Variants in BMPR2 observed in about 807,000 individuals in gnomAD.
The protein encoded by BMPR2 is bone morphogenetic protein receptor type 2, also known as bone morphogenetic protein receptor type-2.
BMPR2 carries 29 observed loss-of-function variants against 100.8 expected under a neutral mutation model. The observed-to-expected ratio is 0.29, with a 90% CI of 0.21 to 0.39. BMPR2 has a LOEUF of 0.39. BMPR2 is among the 10% of genes least tolerant of loss of function. BMPR2 has a pLI of 1.00. For missense variants in BMPR2, 1,011 were observed against 1,274.5 expected (o/e 0.79, Z 3.15); for synonymous variants, 382 against 442.3 (o/e 0.86, Z 1.71).
At chr2:202,481,670 T>C (rs905013409) in intron 3 of BMPR2, among the ~76,000 whole-genome samples, 2 of 152,210 alleles carry the variant, frequency 1.3e-5, no homozygotes, top group African/African-American at 4.8e-5. Flanking sequence ...TAGACCTTAT[T>C]TCATTTATTT....
intron 3 of BMPR2, among the ~76,000 whole-genome samples, chr2:202,485,634 C>G (rs953576599): frequency 2.1e-5 from 3 of 142,488 alleles, no homozygotes; most frequent in Non-Finnish European, 4.5e-5. Context: ...ACAGCCTCTG[C>G]CTCCCGGGTT....
intron 1 of BMPR2, among the ~76,000 whole-genome samples, chr2:202,418,177 T>G (rs1431694456): frequency 1.3e-5 from 2 of 152,244 alleles, no homozygotes; most frequent in African/African-American, 4.8e-5. Flanking sequence ...GCAATATCAC[T>G]GAGGTATGCT....
At chr2:202,476,260 A>ATG (rs10674122) in intron 3 of BMPR2, among the ~76,000 whole-genome samples, 49,094 of 151,690 alleles carry the variant, frequency 0.32, 8,765 homozygotes, top group African/African-American at 0.48. Context: ...TTCCAATTCC[A>ATG]TGTGTCCCTC....
intron 10 of BMPR2, among the ~76,000 whole-genome samples, chr2:202,548,773 A>C (rs554808237): frequency 6.6e-6 from 1 of 152,180 alleles, no homozygotes; most frequent in South Asian, 2.1e-4. Flanking sequence ...TTAAGGTATC[A>C]TTATTTACCT....
At chr2:202,438,524 T>C (rs989860721) in intron 1 of BMPR2, among the ~76,000 whole-genome samples, 5 of 150,274 alleles carry the variant, frequency 3.3e-5, no homozygotes, top group Non-Finnish European at 7.4e-5. Context: ...GCTAAGAAGC[T>C]ATTACCTAAT....
intron 1 of BMPR2, among the ~76,000 whole-genome samples, chr2:202,381,640 A>G (rs557213909): frequency 6.6e-6 from 1 of 152,328 alleles, no homozygotes; most frequent in South Asian, 2.1e-4. Context: ...CGAAGAATTG[A>G]AATTCTCAGT....
intron 3 of BMPR2, among the ~76,000 whole-genome samples, chr2:202,492,203 G>C (rs895356527): frequency 6.6e-6 from 1 of 152,132 alleles, no homozygotes; most frequent in African/African-American, 2.4e-5. Context: ...GTTAGGAACA[G>C]GTAGGAGCAG....
chr2:202,561,276 C>G lies in BMPR2; in HGVS notation c.*1330C>G, dbSNP rs1276864927. The G allele has an allele frequency of 1.3e-5, 2 of 152,058 alleles. No individual in the cohort carries two copies. Among genetic ancestry groups the G allele is most frequent in the Non-Finnish European group, 2.9e-5 (2 of 67,982 alleles). 9.4% of individuals were successfully genotyped at this position (152,058 alleles called of 1,614,324 possible). A position where few individuals can be genotyped will look rare whatever the true frequency, so the allele number is the denominator to read the frequency against. On this transcript the variant is annotated 3_prime_UTR_variant, in exon 13 of 13. Coordinates refer to ENST00000374580, the MANE Select transcript of BMPR2 (RefSeq NM_001204.7). Reference sequence around the variant, plus strand: ...CAAAATTGTGTTATCTTCCTTAATCCTATTTTCATAATTTTTCCTTTTGCC... The same window carrying G: ...CAAAATTGTGTTATCTTCCTTAATCGTATTTTCATAATTTTTCCTTTTGCC...
At chr2:202,405,711 A>AG (rs1690877450) in intron 1 of BMPR2, among the ~76,000 whole-genome samples, 2 of 146,206 alleles carry the variant, frequency 1.4e-5, no homozygotes, top group African/African-American at 5.1e-5. Context: ...AAAAAAAAAA[A>AG]GCAGGGAAAA....
intron 7 of BMPR2, among the ~76,000 whole-genome samples, chr2:202,524,830 C>T (rs774501629): frequency 2.0e-5 from 3 of 151,698 alleles, no homozygotes; most frequent in East Asian, 1.9e-4. Context: ...GTCAGGAGTA[C>T]GAGACCAGCC....
At position 202,560,133 on chromosome 2, in the gene BMPR2, A is replaced by G. The variant is rs1489882741; in HGVS notation, c.*187A>G. 2.6e-6 allele frequency: 2 copies of G among 766,314 alleles called. No individual in the cohort carries two copies. Among genetic ancestry groups the G allele is most frequent in the Non-Finnish European group, 4.1e-6 (2 of 493,822 alleles). The allele number at this position is 766,314 out of a possible 1,614,324, so 47.5% of individuals were successfully genotyped here. The stretch of plus-strand genomic sequence containing the variant: ...TTAGCTTATGCTTCCATATTTTTAA[A>G]TTTTGTTTTTTAAGTTTTGCACTTT... On this transcript the variant is annotated 3_prime_UTR_variant, in exon 13 of 13. Transcript: ENST00000374580.
intron 1 of BMPR2, among the ~76,000 whole-genome samples, chr2:202,406,186 T>C (rs548268434): frequency 1.3e-5 from 2 of 152,352 alleles, no homozygotes; most frequent in African/African-American, 4.8e-5. Flanking sequence ...GGTTGATTAA[T>C]ATAGGCAAGT....
chr2:202,480,101 T>C (rs576863129), intron 3 of BMPR2, among the ~76,000 whole-genome samples: 1 of 152,144 alleles, frequency 6.6e-6, no homozygotes, highest in Non-Finnish European at 1.5e-5. Context: ...TATCTTTTTT[T>C]ATTTTGTCAC....
At position 202,556,109 on chromosome 2, in the gene BMPR2, G is replaced by T; in HGVS notation, c.2444G>T (p.Ser815Ile). The change falls in exon 12 of 13, where the codon AGT (serine) becomes ATT (isoleucine). Residue 815 changes from serine (S) to isoleucine (I), a missense_variant. Coordinates refer to ENST00000374580, the MANE Select transcript of BMPR2 (RefSeq NM_001204.7). ...TMNGVAGRNH[S>I]VNSHAATTQY... ...AATGGTGTGGCAGGTAGAAACCACA[G>T]TGTTAACTCCCATGCTGCCACAACC... is the stretch of plus-strand genomic sequence containing the variant. 1 of 1,614,136 alleles carries T rather than the reference G, an allele frequency of 6.2e-7. No individual in the cohort carries two copies. The highest frequency in any genetic ancestry group is 8.5e-7 in the Non-Finnish European group (1 of 1,180,036).
chr2:202,390,167 G>T (rs1408263526), intron 1 of BMPR2, among the ~76,000 whole-genome samples: 1 of 152,034 alleles, frequency 6.6e-6, no homozygotes, highest in South Asian at 2.1e-4. Flanking sequence ...TGCGTATATT[G>T]TACATAAAGT....
intron 1 of BMPR2, among the ~76,000 whole-genome samples, chr2:202,410,870 C>T (rs890937333): frequency 1.3e-5 from 2 of 152,066 alleles, no homozygotes; most frequent in Non-Finnish European, 1.5e-5. Flanking sequence ...TGAGCCACTG[C>T]GCCCAGTCTT....
chr2:202,510,811 G>C (rs1039036364), intron 3 of BMPR2, among the ~76,000 whole-genome samples: 1 of 151,916 alleles, frequency 6.6e-6, no homozygotes, highest in Admixed American at 6.6e-5. Flanking sequence ...CTCCTGAGTA[G>C]CTGGGATTAC....
chr2:202,388,321 C>T (rs535241618), intron 1 of BMPR2, among the ~76,000 whole-genome samples: 25 of 127,794 alleles, frequency 2.0e-4, no homozygotes, highest in African/African-American at 4.3e-4. Flanking sequence ...CGCTTGAACC[C>T]GGGAGATGGA....
chr2:202,504,139 C>G (rs1166322765), intron 3 of BMPR2, among the ~76,000 whole-genome samples: 1 of 152,124 alleles, frequency 6.6e-6, no homozygotes, highest in African/African-American at 2.4e-5. Context: ...TCGGCTCTAC[C>G]AATCAGCAGG....
Sources: allele counts gnomAD v4.1 joint callset (sites outside exome capture counted in the v4.1 genomes callset), GRCh38; gene constraint gnomAD v4.1.1; transcripts MANE v1.5; gene names NCBI Gene and HGNC (gene_info 2026-07-23, HGNC 2026-07-21).